ATG4C: variants seen among roughly 807,000 people sequenced by gnomAD.
ATG4C encodes the protein autophagy related 4C cysteine peptidase.
Under a neutral mutation model 57.6 loss-of-function variants are expected in ATG4C, and 56 were observed. The ratio of observed to expected loss-of-function variants is 0.97; its 90% CI spans 0.78 to 1.21. ATG4C has a LOEUF of 1.21. ATG4C is among the 50% of genes most tolerant of loss of function. The pLI, the probability that ATG4C is intolerant of heterozygous loss-of-function variation, is 0.00. For synonymous variants in ATG4C, 157 were observed against 174.1 expected (o/e 0.90, Z 0.78); for missense variants, 595 against 529.8 (o/e 1.12, Z -1.21).
chr1:62,836,057 CT>C (rs1472712940), intron 9 of ATG4C, among the ~76,000 whole-genome samples: 2 of 151,974 alleles, frequency 1.3e-5, no homozygotes, highest in African/African-American at 4.8e-5. Context: ...GATTATTGGT[CT>C]GATTATTTTG....
At chr1:62,814,433 C>T (rs1448403483) in intron 3 of ATG4C, among the ~76,000 whole-genome samples, 1 of 151,980 alleles carries the variant, frequency 6.6e-6, no homozygotes, top group Non-Finnish European at 1.5e-5. Flanking sequence ...CATCACACAC[C>T]AGGGCCTGTC....
chr1:62,797,610 G>A (rs1002708723), intron 1 of ATG4C, among the ~76,000 whole-genome samples: 2 of 151,502 alleles, frequency 1.3e-5, no homozygotes, highest in Non-Finnish European at 2.9e-5. Flanking sequence ...TTCTGTTTAG[G>A]TTTTTCCTTA....
intron 3 of ATG4C, among the ~76,000 whole-genome samples, chr1:62,809,607 A>G (rs1206464034): frequency 1.4e-5 from 2 of 147,004 alleles, no homozygotes; most frequent in East Asian, 1.9e-4. Flanking sequence ...TTATATAATT[A>G]TATATTTTAT....
chr1:62,853,905 T>G (rs1666596665), intron 10 of ATG4C, among the ~76,000 whole-genome samples: 2 of 152,218 alleles, frequency 1.3e-5, no homozygotes, highest in South Asian at 4.1e-4. Context: ...TCTGGAACTC[T>G]TATTATACAG....
At chr1:62,809,531 A>G (rs1185933754) in intron 3 of ATG4C, among the ~76,000 whole-genome samples, 1 of 146,712 alleles carries the variant, frequency 6.8e-6, no homozygotes, top group Non-Finnish European at 1.5e-5. Context: ...TATAATTATA[A>G]TGTATAATTA....
At chr1:62,830,704 A>G (rs915305060) in intron 7 of ATG4C, among the ~76,000 whole-genome samples, 1 of 151,986 alleles carries the variant, frequency 6.6e-6, no homozygotes, top group Non-Finnish European at 1.5e-5. Context: ...TTATTTATTT[A>G]TATTTTTTTA....
At chr1:62,843,719 A>G (rs2100348164) in intron 10 of ATG4C, among the ~76,000 whole-genome samples, 1 of 152,332 alleles carries the variant, frequency 6.6e-6, no homozygotes, top group East Asian at 1.9e-4. Flanking sequence ...TCAGTCTAGC[A>G]AGTATCTGCA....
chr1:62,848,940 A>G (rs1011018424), intron 10 of ATG4C, among the ~76,000 whole-genome samples: 3 of 152,136 alleles, frequency 2.0e-5, no homozygotes, highest in African/African-American at 7.2e-5. Context: ...TAGTTTTTTT[A>G]CAGGACACTT....
intron 9 of ATG4C, among the ~76,000 whole-genome samples, chr1:62,836,877 T>G (rs1265767960): frequency 1.3e-5 from 2 of 152,086 alleles, no homozygotes; most frequent in South Asian, 4.1e-4. Context: ...TAATAGATTG[T>G]GAAATTTTAA....
rs192665872 is a variant in ATG4C at position 62,792,332 on chromosome 1, A to T, written c.-69+8059A>T. Among the ~76,000 whole-genome samples, 18 of 152,204 alleles carry T rather than the reference A, an allele frequency of 1.2e-4. No homozygotes were observed. The East Asian group carries it at 3.5e-3, about 29-fold the overall frequency. Reference sequence around the variant, plus strand: ...TTCTAATCCTTTCACCAGTACCCTGATTGAGGTTCTCATTACCACTCATAG... The same window carrying T: ...TTCTAATCCTTTCACCAGTACCCTGTTTGAGGTTCTCATTACCACTCATAG... On this transcript the variant is annotated intron_variant, in intron 1 of 10. Transcript: ENST00000317868.
At chr1:62,851,813 A>T (rs183824627) in intron 10 of ATG4C, among the ~76,000 whole-genome samples, 23 of 152,344 alleles carry the variant, frequency 1.5e-4, no homozygotes, top group African/African-American at 5.5e-4. Context: ...AAGGAATGTA[A>T]GATAATTGTT....
chr1:62,809,482 T>G (rs111692175), intron 3 of ATG4C, among the ~76,000 whole-genome samples: 4,606 of 144,860 alleles, frequency 0.032, 227 homozygotes, highest in African/African-American at 0.11. Context: ...CATATAGACA[T>G]ATATAGTGTA....
At chr1:62,799,026 C>A (rs1272690784) in intron 1 of ATG4C, among the ~76,000 whole-genome samples, 1 of 152,148 alleles carries the variant, frequency 6.6e-6, no homozygotes, top group Non-Finnish European at 1.5e-5. Flanking sequence ...GCAGCCAGCT[C>A]AAGTGATCCC....
At chr1:62,795,164 C>G (rs1030214172) in intron 1 of ATG4C, among the ~76,000 whole-genome samples, 1 of 152,188 alleles carries the variant, frequency 6.6e-6, no homozygotes, top group South Asian at 2.1e-4. Context: ...TAGACTTAAT[C>G]CCTAAAGTTC....
intron 1 of ATG4C, among the ~76,000 whole-genome samples, chr1:62,788,459 A>ACC (rs1008714000): frequency 8.9e-5 from 13 of 146,592 alleles, no homozygotes; most frequent in Non-Finnish European, 1.5e-4. Context: ...ACACACACAC[A>ACC]CCTTTTTTTC....
rs757256584 is a variant in ATG4C, at chr1:62,819,193, G to GT, written c.586dup (p.Tyr196LeufsTer3). 6.2e-7 allele frequency: 1 copy of GT among 1,613,582 alleles called. No homozygotes were observed. Among genetic ancestry groups the GT allele is most frequent in the South Asian group, 1.1e-5 (1 of 91,032 alleles). On this transcript the variant is annotated frameshift_variant, in exon 5 of 11. Coordinates refer to ENST00000317868, the MANE Select transcript of ATG4C (RefSeq NM_032852.4). LOFTEE classifies it high-confidence loss of function. ...TGATGATCATGAAATGCGAAATGAA[G>GT]TTTATCATAGGAAAATCATCTCTTG...
At chr1:62,853,345 A>C (rs914488164) in intron 10 of ATG4C, among the ~76,000 whole-genome samples, 3 of 152,220 alleles carry the variant, frequency 2.0e-5, no homozygotes, top group African/African-American at 7.2e-5. Flanking sequence ...TGGAATGAAA[A>C]TACTAATAGC....
chr1:62,810,530 T>A lies in ATG4C; in HGVS notation c.160+5275T>A, dbSNP rs573406735. On this transcript the variant is annotated intron_variant, in intron 3 of 10. Transcript: ENST00000317868. ...TTGGTTGATCTCAACCAATTATCTT[T>A]TGATGCTCAAATTGTCGTGACATTG... 9.1e-4 allele frequency among the ~76,000 whole-genome samples: 138 copies of A among 152,186 alleles called. 1 individual carries two copies. The highest frequency in any genetic ancestry group is 1.4e-3 in the Non-Finnish European group (93 of 68,016).
chr1:62,785,290 A>G (rs768735526), intron 1 of ATG4C: 1 of 152,208 alleles, frequency 6.6e-6, no homozygotes, highest in Non-Finnish European at 1.5e-5. Context: ...TGAGTTTCAA[A>G]TTGATAAAGC....
Sources: gnomAD v4.1 joint callset for allele counts (sites outside exome capture counted in the v4.1 genomes callset) on GRCh38, gnomAD v4.1.1 for gene constraint, MANE v1.5 for transcripts, NCBI Gene and HGNC (gene_info 2026-07-23, HGNC 2026-07-21) for gene names.